Variants in PSMB3 observed in about 807,000 individuals in gnomAD.
PSMB3 encodes proteasome 20S subunit beta 3.
In PSMB3, 5 loss-of-function variants were observed where a neutral mutation model predicts 23.3. The observed-to-expected ratio is 0.21, with a 90% CI of 0.11 to 0.45. The LOEUF (loss-of-function observed/expected upper bound fraction) is 0.45. Ranked by LOEUF, PSMB3 falls within the 20% of genes least tolerant of loss-of-function variation. The pLI is 0.99. For missense variants in PSMB3, 192 were observed against 277.9 expected, an observed-to-expected ratio of 0.69 and a Z score of 2.20; for synonymous variants, 85 against 99.8, an observed-to-expected ratio of 0.85 and a Z score of 0.88.
chr17:38,762,767 G>A (rs1413996127), intron 5 of PSMB3, among the ~76,000 whole-genome samples: 2 of 152,078 alleles, frequency 1.3e-5, no homozygotes, highest in African/African-American at 2.4e-5. Context: ...CAATGTCTCC[G>A]AAGTCTCAGG....
chr17:38,753,051 G>A (rs956753144), intron 1 of PSMB3, 99 bp from the exon 2 acceptor site: 75 of 1,357,616 alleles, frequency 5.5e-5, no homozygotes, highest in Admixed American at 7.7e-5. Context: ...CCTCCGGAAT[G>A]GAGAACGGGC....
rs1245955174 is a variant in PSMB3, at chr17:38,760,482, C to A, written c.348C>A (p.Thr116=). Residue 116 remains threonine (T), a synonymous_variant, in exon 4 of 6, where the codon ACC becomes ACA. Transcript: ENST00000619426. Reference sequence around the variant, plus strand: ...TCATTGCCGGGTTGGACCCGAAGACCTTTAAGCCCTTCATTTGCTCTCTAG... The same window carrying A: ...TCATTGCCGGGTTGGACCCGAAGACATTTAAGCCCTTCATTTGCTCTCTAG... The part of the protein sequence containing the change: ...EPVIAGLDPK[T]FKPFICSLDL... 1.2e-6 allele frequency: 2 copies of A among 1,614,252 alleles called. No homozygotes were observed. The highest frequency in any genetic ancestry group is 2.2e-5 in the South Asian group (2 of 91,088).
intron 2 of PSMB3, 95 bp downstream of exon 2, chr17:38,753,429 C>G: frequency 7.7e-7 from 1 of 1,290,414 alleles, no homozygotes; most frequent in Non-Finnish European, 1.1e-6. Flanking sequence ...ATCTACCACA[C>G]ACCACCAGTG....
chr17:38,753,486 T>G, intron 2 of PSMB3, 152 bp downstream of exon 2: 1 of 689,392 alleles, frequency 1.5e-6, no homozygotes, highest in Non-Finnish European at 2.2e-6. Flanking sequence ...TCCCTTTCTT[T>G]TTTTTTTTTT....
intron 4 of PSMB3, 132 bp downstream of exon 4, chr17:38,760,740 T>C (rs117481169): frequency 0.019 from 20,182 of 1,072,384 alleles, 267 homozygotes; most frequent in Non-Finnish European, 0.024. Flanking sequence ...CTGCTGCTCC[T>C]TGGAAGGGTA....
intron 2 of PSMB3, among the ~76,000 whole-genome samples, chr17:38,755,598 C>T (rs990777368): frequency 6.7e-6 from 1 of 148,404 alleles, no homozygotes; most frequent in African/African-American, 2.5e-5. Flanking sequence ...TGAGCCGAGA[C>T]TGACTGCGCC....
In PSMB3 at chr17:38,752,896, CT is replaced by C. The variant is rs1426286959; in HGVS notation, c.3+69del. ...GAGAAGCGGAGGGGGTCAGGAGAGGCTTGGGGACGAAAAGGGCCTAGGGTCG... is the reference window on the plus strand; with the variant it reads ...GAGAAGCGGAGGGGGTCAGGAGAGGCTGGGGACGAAAAGGGCCTAGGGTCG... On this transcript the variant is annotated intron_variant, in intron 1 of 5. Transcript: ENST00000619426. This position sits in a 1 kb window ranked among gnomAD's most constrained non-coding sequence, Gnocchi z 5.5. The C allele has an allele frequency of 1.2e-6, 2 of 1,601,310 alleles. No individual in the cohort carries two copies. Among genetic ancestry groups the C allele is most frequent in the Admixed American group, 3.4e-5 (2 of 59,278 alleles).
chr17:38,752,891 A>T lies in PSMB3; in HGVS notation c.3+62A>T, dbSNP rs547169923. The T allele has an allele frequency of 5.2e-5, 83 of 1,608,072 alleles. 1 individual carries two copies. The South Asian group carries it at 8.8e-4, about 17-fold the overall frequency. The stretch of plus-strand genomic sequence containing the variant: ...GGATTGAGAAGCGGAGGGGGTCAGG[A>T]GAGGCTTGGGGACGAAAAGGGCCTA... On this transcript the variant is annotated intron_variant, in intron 1 of 5. Transcript: ENST00000619426. This position sits in a 1 kb window ranked among gnomAD's most constrained non-coding sequence, Gnocchi z 5.5.
rs969627335 is a variant in PSMB3 at position 38,756,884 on chromosome 17, C to CT, written c.296+907dup. 9.1e-3 allele frequency among the ~76,000 whole-genome samples: 1,267 copies of CT among 138,532 alleles called. 10 individuals carry two copies. The highest frequency in any genetic ancestry group is 0.031 in the East Asian group (147 of 4,726). 90.9% of individuals were successfully genotyped at this position (138,532 alleles called of 152,430 possible). On this transcript the variant is annotated intron_variant, in intron 3 of 5. Transcript: ENST00000619426. The stretch of plus-strand genomic sequence containing the variant: ...ACCCTTTAGCTTTCAAAAACTTTTT[C>CT]TTTTTTTTTTTTTGAGATGGTGTCT...
chr17:38,760,656 T>A (rs768935288), intron 4 of PSMB3, 48 bp downstream of exon 4: 4 of 1,606,250 alleles, frequency 2.5e-6, no homozygotes, highest in Non-Finnish European at 8.5e-7. Context: ...TACCCACCCT[T>A]GGTCATTAGG....
At position 38,762,408 on chromosome 17, in the gene PSMB3, C is replaced by T. The variant is rs751298173; in HGVS notation, c.475-3C>T. The stretch of plus-strand genomic sequence containing the variant: ...GTTTGAAGGGGTTCCACTCTGTTGG[C>T]AGGATCCGGATCACCTGTTTGAAAC... On this transcript the variant is annotated splice_region_variant and splice_polypyrimidine_tract_variant and intron_variant, in intron 4 of 5. Transcript: ENST00000619426. 1 of 1,613,568 alleles carries T rather than the reference C, an allele frequency of 6.2e-7. No homozygotes were observed. Among genetic ancestry groups the T allele is most frequent in the Non-Finnish European group, 8.5e-7 (1 of 1,179,506 alleles).
intron 5 of PSMB3, among the ~76,000 whole-genome samples, chr17:38,763,445 C>A (rs998430926): frequency 6.6e-6 from 1 of 151,546 alleles, no homozygotes; most frequent in African/African-American, 2.4e-5. Context: ...ACACACCACA[C>A]CTTCTCCTTC....
chr17:38,759,947 T>C (rs914977371), intron 3 of PSMB3, among the ~76,000 whole-genome samples: 3 of 152,214 alleles, frequency 2.0e-5, no homozygotes, highest in Non-Finnish European at 4.4e-5. Flanking sequence ...AGTATCCCTC[T>C]TTGCCTTGCC....
At chr17:38,757,173 G>A (rs762102450) in intron 3 of PSMB3, among the ~76,000 whole-genome samples, 2 of 150,142 alleles carry the variant, frequency 1.3e-5, no homozygotes, top group Non-Finnish European at 3.0e-5. Flanking sequence ...GAGCCACTGC[G>A]CCCTGCAAAA....
In PSMB3 at chr17:38,764,180, A is replaced by G. The variant is rs757680545; in HGVS notation, c.*13A>G. On this transcript the variant is annotated 3_prime_UTR_variant, in exon 6 of 6. Transcript: ENST00000619426. ...CCGAATGGACTAACCCTGTTCCCAG[A>G]GCCCACTTTTTTTTCTTTTTTTGAA... 3 of 1,613,196 alleles carry G rather than the reference A, an allele frequency of 1.9e-6. No homozygotes were observed. The Admixed American group carries it at 5.0e-5, about 27-fold the overall frequency.
chr17:38,760,726 A>G, intron 4 of PSMB3, 118 bp downstream of exon 4: 11 of 1,185,686 alleles, frequency 9.3e-6, no homozygotes, highest in Non-Finnish European at 1.3e-5. Flanking sequence ...AGAGAAAGCC[A>G]CAGCTGCTGC....
At chr17:38,761,035 TA>T (rs1260650415) in intron 4 of PSMB3, among the ~76,000 whole-genome samples, 1 of 151,994 alleles carries the variant, frequency 6.6e-6, no homozygotes, top group East Asian at 1.9e-4. Flanking sequence ...AAAATGAGGA[TA>T]AAAAAGTCTG....
chr17:38,764,085 A>T, intron 5 of PSMB3, 34 bp from the exon 6 acceptor site: 1 of 1,608,160 alleles, frequency 6.2e-7, no homozygotes, highest in Non-Finnish European at 8.5e-7. Context: ...CCAGATGGGT[A>T]GAGATGTTTT....
intron 5 of PSMB3, among the ~76,000 whole-genome samples, chr17:38,763,594 C>G (rs1041309990): frequency 2.0e-5 from 3 of 147,778 alleles, no homozygotes; most frequent in Admixed American, 6.9e-5. Context: ...CCTCTGCCTC[C>G]TGGGTTCAAG....
Sources: gnomAD v4.1 joint callset for allele counts (sites outside exome capture counted in the v4.1 genomes callset) on GRCh38, gnomAD v4.1.1 for gene constraint, Gnocchi (gnomAD v3.1) non-coding constraint, MANE v1.5 for transcripts, NCBI Gene and HGNC (gene_info 2026-07-23, HGNC 2026-07-21) for gene names.